Variants in CUX2 observed in about 807,000 individuals in gnomAD.
CUX2 encodes homeobox protein cut-like 2.
A neutral mutation model predicts 144.8 loss-of-function variants in CUX2; 40 were observed. The observed-to-expected ratio is 0.28, with a 90% CI of 0.21 to 0.36. The LOEUF is 0.36. CUX2 is among the 10% of genes least tolerant of loss of function. The pLI, the probability that CUX2 is intolerant of heterozygous loss-of-function variation, is 1.00. For synonymous variants in CUX2, 827 were observed against 875.6 expected, an observed-to-expected ratio of 0.94 and a Z score of 0.98; for missense variants, 1,615 against 1,994.0, an observed-to-expected ratio of 0.81 and a Z score of 3.62.
chr12:111,345,690 C>G (rs1255966355), intron 21 of CUX2, among the ~76,000 whole-genome samples: 4 of 147,368 alleles, frequency 2.7e-5, no homozygotes, highest in Non-Finnish European at 5.9e-5. Flanking sequence ...GAGCCAAGAT[C>G]GCGCCACTGC....
rs184576652 is a variant in CUX2 at position 111,277,804 on chromosome 12, G to T, written c.302-13614G>T. ...TTAGGGACTCTTAGTCACCTGTCACGGCTGTAACAAATACCATGAGCTTAG... is the reference window on the plus strand; with the variant it reads ...TTAGGGACTCTTAGTCACCTGTCACTGCTGTAACAAATACCATGAGCTTAG... On this transcript the variant is annotated intron_variant, in intron 4 of 21. Transcript: ENST00000261726. This position sits in a 1 kb window ranked among gnomAD's most constrained non-coding sequence, Gnocchi z 5.0. Among the ~76,000 whole-genome samples, 1 of 152,180 alleles carries T rather than the reference G, an allele frequency of 6.6e-6. No individual in the cohort carries two copies. The highest frequency in any genetic ancestry group is 2.4e-5 in the African/African-American group (1 of 41,436).
At position 111,341,770 on chromosome 12, in the gene CUX2, C is replaced by A; in HGVS notation, c.3386-10C>A. The A allele has an allele frequency of 6.4e-7, 1 of 1,573,466 alleles. No individual in the cohort carries two copies. Among genetic ancestry groups the A allele is most frequent in the South Asian group, 1.2e-5 (1 of 86,404 alleles). On this transcript the variant is annotated splice_polypyrimidine_tract_variant and intron_variant, in intron 20 of 21. Coordinates refer to ENST00000261726, the MANE Select transcript of CUX2 (RefSeq NM_015267.4). ...CCACCTCTCAGCCCTCCCTCTCTTC[C>A]TGGCCCCAGCCTACCTGAAACGTCG... is the stretch of plus-strand genomic sequence containing the variant.
intron 1 of CUX2, among the ~76,000 whole-genome samples, chr12:111,192,548 G>A (rs2136196176): frequency 6.6e-6 from 1 of 152,142 alleles, no homozygotes; most frequent in Admixed American, 6.5e-5. Context: ...CATCAGGTGT[G>A]GCTGCTAATA....
intron 2 of CUX2, among the ~76,000 whole-genome samples, chr12:111,215,759 C>A (rs1330197258): frequency 1.3e-5 from 2 of 152,302 alleles, no homozygotes; most frequent in Non-Finnish European, 2.9e-5. Context: ...GCTGCACATG[C>A]CCTCTCCCTG....
intron 1 of CUX2, among the ~76,000 whole-genome samples, chr12:111,108,312 AATT>A (rs1239687137): frequency 6.6e-6 from 1 of 152,100 alleles, no homozygotes; most frequent in African/African-American, 2.4e-5. Flanking sequence ...TCTGCTGTAA[AATT>A]ATTATTTTTC....
Position 111,342,051 on chromosome 12 carries a change from C to T in CUX2, c.3657C>T (p.Tyr1219=). The T allele has an allele frequency of 6.2e-7, 1 of 1,611,374 alleles. No individual in the cohort carries two copies. Among genetic ancestry groups the T allele is most frequent in the Non-Finnish European group, 8.5e-7 (1 of 1,178,504 alleles). The change falls in exon 21 of 22, where the codon TAC becomes TAT. Residue 1219 remains tyrosine (Y), a splice_region_variant and synonymous_variant. Transcript: ENST00000261726. ...CCGTCATCAACTGGTTCCACAACTA[C>T]AGGTGGGACTATGGGGGCGTACCCA... ...TNTVINWFHN[Y]RSRMRREMLV...
chr12:111,129,394 G>A (rs987535994), intron 1 of CUX2, among the ~76,000 whole-genome samples: 68 of 151,538 alleles, frequency 4.5e-4, no homozygotes, highest in African/African-American at 1.6e-3. Flanking sequence ...CTTGCCAGCT[G>A]AAAGCACAAT....
At chr12:111,291,672 C>A in intron 5 of CUX2, 120 bp downstream of exon 5, 1 of 1,134,138 alleles carries the variant, frequency 8.8e-7, no homozygotes, top group South Asian at 2.0e-5. Flanking sequence ...AGGTGAAGGC[C>A]TTTGGTAACC....
At position 111,034,194 on chromosome 12, in the gene CUX2, G is replaced by C. The variant is rs756141763; in HGVS notation, c.17G>C (p.Gly6Ala). MAANVGSMFQYWKRFD... is the reference protein window; with the variant it reads MAANVASMFQYWKRFD... ...GCCCCCAAGATGGCCGCCAATGTGG[G>C]ATCGATGTTTCAATATTGGAAGCGA... Residue 6 changes from glycine to alanine, a missense_variant, in exon 1 of 22, where the codon GGA (glycine) becomes GCA (alanine). Physicochemically the swap from Gly to Ala is moderately conservative, Grantham distance 60. This residue lies in a region of CUX2 where 64 missense variants were observed against 64.9 expected (regional missense o/e 0.99). Transcript: ENST00000261726. The surrounding 1 kb of genome is among the most constrained non-coding windows in gnomAD (Gnocchi z 4.2). 7.1e-7 allele frequency: 1 copy of C among 1,402,656 alleles called. No individual in the cohort carries two copies. The highest frequency in any genetic ancestry group is 9.5e-7 in the Non-Finnish European group (1 of 1,049,062). 86.9% of individuals were successfully genotyped at this position (1,402,656 alleles called of 1,614,324 possible).
Position 111,178,848 on chromosome 12 carries a change from G to A in CUX2, c.64-35352G>A, listed in dbSNP as rs569676779. 6.6e-6 allele frequency among the ~76,000 whole-genome samples: 1 copy of A among 152,258 alleles called. No individual in the cohort carries two copies. The highest frequency in any genetic ancestry group is 6.5e-5 in the Admixed American group (1 of 15,298). On this transcript the variant is annotated intron_variant, in intron 1 of 21. Transcript: ENST00000261726. The surrounding 1 kb of genome is among the most constrained non-coding windows in gnomAD (Gnocchi z 5.7). ...CCTGTGGTGGTGATATCCCAGGGCTGAGCTGGAAGACCGTGTGCATGTGCC... is the reference window on the plus strand; with the variant it reads ...CCTGTGGTGGTGATATCCCAGGGCTAAGCTGGAAGACCGTGTGCATGTGCC...
intron 1 of CUX2, among the ~76,000 whole-genome samples, chr12:111,133,915 G>T (rs1035799226): frequency 6.6e-6 from 1 of 152,076 alleles, no homozygotes; most frequent in African/African-American, 2.4e-5. Flanking sequence ...CTTCACCAGG[G>T]TCTTCCCACC....
rs1450884024 is a variant in CUX2 at position 111,334,165 on chromosome 12, C to T, written c.2927-276C>T. On this transcript the variant is annotated intron_variant, in intron 18 of 21. Coordinates refer to ENST00000261726, the MANE Select transcript of CUX2 (RefSeq NM_015267.4). ...TCACACCACTGCACTCCAGCCTAGG[C>T]AACAGAGCGAGACTCCGTCTTAAAA... Among the ~76,000 whole-genome samples, 7 of 148,974 alleles carry T rather than the reference C, an allele frequency of 4.7e-5. No homozygotes were observed. The South Asian group carries it at 6.4e-4, about 14-fold the overall frequency.
intron 4 of CUX2, among the ~76,000 whole-genome samples, chr12:111,280,245 C>T (rs537191521): frequency 6.9e-4 from 105 of 152,284 alleles, no homozygotes; most frequent in African/African-American, 1.9e-3. Flanking sequence ...GCCAAGATCG[C>T]GCTACCCTAC....
At chr12:111,134,530 A>C (rs1487949907) in intron 1 of CUX2, among the ~76,000 whole-genome samples, 1 of 151,886 alleles carries the variant, frequency 6.6e-6, no homozygotes, top group Non-Finnish European at 1.5e-5. Flanking sequence ...GTTCCTCTCT[A>C]ACCACTCCTG....
At chr12:111,189,778 C>T (rs929071233) in intron 1 of CUX2, among the ~76,000 whole-genome samples, 4 of 151,888 alleles carry the variant, frequency 2.6e-5, no homozygotes, top group African/African-American at 7.3e-5. Context: ...CGGGTGATGC[C>T]GACGCTGCTG....
intron 1 of CUX2, among the ~76,000 whole-genome samples, chr12:111,156,377 A>T (rs1266876381): frequency 6.6e-6 from 1 of 151,978 alleles, no homozygotes; most frequent in Non-Finnish European, 1.5e-5. Context: ...TAAACTCCTT[A>T]TTTCGGAATA....
chr12:111,146,859 T>G (rs1876709829), intron 1 of CUX2, among the ~76,000 whole-genome samples: 2 of 152,192 alleles, frequency 1.3e-5, no homozygotes, highest in Middle Eastern at 3.4e-3. Context: ...TGGGGCCAGG[T>G]GCGGTGGCTG....
At position 111,348,103 on chromosome 12, in the gene CUX2, C is replaced by T; in HGVS notation, c.4239C>T (p.Val1413=). Residue 1413 remains valine (V), a synonymous_variant, in exon 22 of 22, where the codon GTC becomes GTT. Transcript: ENST00000261726. ...GCCTCATGATGTCTGTGTCACCTGT[C>T]CCCTCCTCCTCAGCTCCCATCTCCC... is the stretch of plus-strand genomic sequence containing the variant. ...SPGLMMSVSP[V]PSSSAPISPS... 6.2e-7 allele frequency: 1 copy of T among 1,614,134 alleles called. No homozygotes were observed. Among genetic ancestry groups the T allele is most frequent in the Non-Finnish European group, 8.5e-7 (1 of 1,180,018 alleles).
At chr12:111,041,837 G>T (rs1439129010) in intron 1 of CUX2, among the ~76,000 whole-genome samples, 1 of 152,236 alleles carries the variant, frequency 6.6e-6, no homozygotes, top group African/African-American at 2.4e-5. Context: ...CCAGTGCCTA[G>T]TTCCAGAAGA....
Sources: allele counts gnomAD v4.1 joint callset (sites outside exome capture counted in the v4.1 genomes callset), GRCh38; gene constraint gnomAD v4.1.1; regional missense constraint gnomAD v4.1.1; non-coding constraint Gnocchi (gnomAD v3.1); transcripts MANE v1.5; gene names NCBI Gene and HGNC (gene_info 2026-07-23, HGNC 2026-07-21).